NTRK3: variants seen among roughly 807,000 people sequenced by gnomAD.
NTRK3 encodes the protein neurotrophic receptor tyrosine kinase 3.
A neutral mutation model predicts 91.7 loss-of-function variants in NTRK3; 24 were observed. The ratio of observed to expected loss-of-function variants is 0.26; its 90% confidence interval spans 0.19 to 0.37. The LOEUF is 0.37. NTRK3 is among the 10% of genes least tolerant of loss of function. NTRK3 has a pLI of 1.00. For missense variants in NTRK3, 880 were observed against 1,068.9 expected (o/e 0.82, Z 2.46); for synonymous variants, 483 against 404.0 (o/e 1.20, Z -2.34).
At position 88,146,065 on chromosome 15, in the gene NTRK3, GATTAA is replaced by G. The variant is rs539404265; in HGVS notation, c.464+1265_464+1269del. Among the ~76,000 whole-genome samples the G allele has an allele frequency of 6.6e-4, 101 of 152,300 alleles. 1 individual carries two copies. The East Asian group carries it at 0.015, about 23-fold the overall frequency. Reference sequence around the variant, plus strand: ...TCCTACCTTAAGGAATTGCCATAAGGATTAAATTAAATTAAGTATACAACTTAAGA... The same window carrying G: ...TCCTACCTTAAGGAATTGCCATAAGGATTAAATTAAGTATACAACTTAAGA... On this transcript the variant is annotated intron_variant, in intron 6 of 18. Transcript: ENST00000394480.
intron 5 of NTRK3, among the ~76,000 whole-genome samples, chr15:88,176,590 G>C (rs2151552164): frequency 6.6e-6 from 1 of 152,288 alleles, no homozygotes; most frequent in South Asian, 2.1e-4. Context: ...TCTAGTCCTG[G>C]CTCAGCTCTT....
At chr15:87,865,057 G>C (rs937390984) in exon 19 of NTRK3, 1 of 214,384 alleles carries the variant, frequency 4.7e-6, no homozygotes, top group Non-Finnish European at 9.4e-6. Context: ...GATTGCCTCT[G>C]TATGAGGCAA....
intron 13 of NTRK3, among the ~76,000 whole-genome samples, chr15:88,070,157 T>C (rs2046981378): frequency 6.6e-6 from 1 of 152,148 alleles, no homozygotes; most frequent in Admixed American, 6.5e-5. Flanking sequence ...CTGGCCTCTA[T>C]GGGCAATGCT....
At position 88,243,189 on chromosome 15, in the gene NTRK3, C is replaced by G. The variant is rs2052525276; in HGVS notation, c.248+12717G>C. ...AGAGAATAAAATTGCACCCCTCCTC[C>G]ACGCCCTTGCCCCCTCCCCACTTCT... On this transcript the variant is annotated intron_variant, in intron 3 of 18. Coordinates refer to ENST00000394480, the Ensembl canonical transcript of NTRK3. The surrounding 1 kb of genome is among the most constrained non-coding windows in gnomAD (Gnocchi z 4.8). 6.6e-6 allele frequency among the ~76,000 whole-genome samples: 1 copy of G among 152,208 alleles called. No homozygotes were observed. Among genetic ancestry groups the G allele is most frequent in the Non-Finnish European group, 1.5e-5 (1 of 68,040 alleles).
chr15:88,043,873 A>G (rs1255657161), intron 13 of NTRK3, among the ~76,000 whole-genome samples: 1 of 152,126 alleles, frequency 6.6e-6, no homozygotes, highest in African/African-American at 2.4e-5. Context: ...CTAACTAGAT[A>G]TGTCACCCAC....
At chr15:88,211,233 A>G (rs1169100344) in intron 3 of NTRK3, among the ~76,000 whole-genome samples, 1 of 152,222 alleles carries the variant, frequency 6.6e-6, no homozygotes, top group Non-Finnish European at 1.5e-5. Flanking sequence ...TCAATTCTGG[A>G]CATTTGATAT....
intron 3 of NTRK3, among the ~76,000 whole-genome samples, chr15:88,197,390 T>G (rs945424923): frequency 2.0e-5 from 3 of 152,316 alleles, no homozygotes; most frequent in Admixed American, 2.0e-4. Context: ...CTTTGAGTGC[T>G]AACTTGTTCT....
exon 19 of NTRK3, chr15:87,866,454 C>A (rs914035650): frequency 6.0e-6 from 1 of 167,620 alleles, no homozygotes; most frequent in South Asian, 2.0e-4. Context: ...TACACACACA[C>A]CCCTATATAT....
rs1203821647 is a variant in NTRK3, at chr15:88,236,071, C to A, written c.248+19835G>T. Among the ~76,000 whole-genome samples, 10 of 152,294 alleles carry A rather than the reference C, an allele frequency of 6.6e-5. No homozygotes were observed. In the East Asian group the frequency reaches 1.3e-3, roughly 21 times the overall value. Reference sequence around the variant, plus strand: ...TAAAGTTAAACATAAATTTATCAGACATCCCAGAAATTTCACTCCTGGGGA... The same window carrying A: ...TAAAGTTAAACATAAATTTATCAGAAATCCCAGAAATTTCACTCCTGGGGA... On this transcript the variant is annotated intron_variant, in intron 3 of 18. Coordinates refer to ENST00000394480, the Ensembl canonical transcript of NTRK3.
rs1229125734 is a variant in NTRK3, at chr15:88,240,609, A to G, written c.248+15297T>C. Among the ~76,000 whole-genome samples the G allele has an allele frequency of 6.6e-6, 1 of 152,178 alleles. No individual in the cohort carries two copies. Among genetic ancestry groups the G allele is most frequent in the African/African-American group, 2.4e-5 (1 of 41,434 alleles). On this transcript the variant is annotated intron_variant, in intron 3 of 18. Transcript: ENST00000394480. This position sits in a 1 kb window ranked among gnomAD's most constrained non-coding sequence, Gnocchi z 4.9. Reference sequence around the variant, plus strand: ...TACAGGGCTGCCCCCCTGGCTCTGGAGACAAACCTCAGCTCTGCCACTTCC... The same window carrying G: ...TACAGGGCTGCCCCCCTGGCTCTGGGGACAAACCTCAGCTCTGCCACTTCC...
intron 14 of NTRK3, among the ~76,000 whole-genome samples, chr15:87,945,817 A>AC (rs2070425534): frequency 6.7e-6 from 1 of 148,602 alleles, no homozygotes; most frequent in Non-Finnish European, 1.5e-5. Context: ...AAAAAAAAAA[A>AC]AAAAAAAAAA....
Position 88,233,556 on chromosome 15 carries a change from C to T in NTRK3, c.248+22350G>A, listed in dbSNP as rs907616552. On this transcript the variant is annotated intron_variant, in intron 3 of 18. Coordinates refer to ENST00000394480, the Ensembl canonical transcript of NTRK3. This position sits in a 1 kb window ranked among gnomAD's most constrained non-coding sequence, Gnocchi z 4.2. ...CTGCAGAGACTCCCCCAAGGACTTC[C>T]TAGTTGCCACAGGCCTCCTTAATTT... Among the ~76,000 whole-genome samples, 3 of 152,134 alleles carry T rather than the reference C, an allele frequency of 2.0e-5. No homozygotes were observed. The highest frequency in any genetic ancestry group is 4.4e-5 in the Non-Finnish European group (3 of 67,996).
chr15:88,050,221 G>A (rs762608341), intron 13 of NTRK3, among the ~76,000 whole-genome samples: 1 of 152,062 alleles, frequency 6.6e-6, no homozygotes, highest in Non-Finnish European at 1.5e-5. Flanking sequence ...TGAATTCAAA[G>A]GCACGTGTGT....
At chr15:87,986,434 T>C (rs1384339898) in intron 14 of NTRK3, among the ~76,000 whole-genome samples, 2 of 152,250 alleles carry the variant, frequency 1.3e-5, no homozygotes, top group African/African-American at 4.8e-5. Flanking sequence ...GTTTCTCCTC[T>C]ACCCCATCAC....
chr15:88,207,836 G>T (rs1454261433), intron 3 of NTRK3, among the ~76,000 whole-genome samples: 1 of 152,226 alleles, frequency 6.6e-6, no homozygotes, highest in Non-Finnish European at 1.5e-5. Context: ...GATGCAATCA[G>T]ATGTGCAAAG....
chr15:87,900,285 C>T (rs76601938), intron 17 of NTRK3, among the ~76,000 whole-genome samples: 2,621 of 152,120 alleles, frequency 0.017, 51 homozygotes, highest in African/African-American at 0.036. Context: ...TGGGAAATGC[C>T]AGGAAAGGGG....
intron 13 of NTRK3, among the ~76,000 whole-genome samples, chr15:88,110,608 C>G (rs936298986): frequency 1.3e-5 from 2 of 152,102 alleles, no homozygotes; most frequent in African/African-American, 4.8e-5. Context: ...TGAGCAAACA[C>G]AACAGTCTAC....
chr15:88,212,859 G>A (rs977405042), intron 3 of NTRK3, among the ~76,000 whole-genome samples: 8 of 152,170 alleles, frequency 5.3e-5, no homozygotes, highest in African/African-American at 1.9e-4. Flanking sequence ...GCCTGAAGGG[G>A]AAATGTCAGG....
At chr15:88,089,523 G>A (rs1247350400) in intron 13 of NTRK3, among the ~76,000 whole-genome samples, 1 of 152,214 alleles carries the variant, frequency 6.6e-6, no homozygotes, top group Non-Finnish European at 1.5e-5. Flanking sequence ...AAAGCATGTT[G>A]TCAAAGACTA....
Sources: allele counts gnomAD v4.1 joint callset (sites outside exome capture counted in the v4.1 genomes callset), GRCh38; gene constraint gnomAD v4.1.1; non-coding constraint Gnocchi (gnomAD v3.1); transcripts MANE v1.5; gene names NCBI Gene and HGNC (gene_info 2026-07-23, HGNC 2026-07-21).